Variants in TOP6BL observed in about 807,000 individuals in gnomAD.
The protein encoded by TOP6BL is TOP6B like initiator of meiotic double strand breaks.
At chr11:66,804,283 T>C in the TOP6BL span, 1 of 982,094 alleles carries the variant, frequency 1.0e-6, no homozygotes, top group Non-Finnish European at 1.4e-6. Context: ...GAATTCTGCA[T>C]CTACAAATAT....
the TOP6BL span, among the ~76,000 whole-genome samples, chr11:66,782,819 A>G: frequency 6.6e-6 from 1 of 152,162 alleles, no homozygotes; most frequent in African/African-American, 2.4e-5. Context: ...TCGTAATGTC[A>G]TCTGATTGAA....
At chr11:66,834,094 G>T in the TOP6BL span, among the ~76,000 whole-genome samples, 1 of 152,150 alleles carries the variant, frequency 6.6e-6, no homozygotes, top group Non-Finnish European at 1.5e-5. Flanking sequence ...TTGGAAAGAA[G>T]GAACACTTAC....
chr11:66,789,506 T>C, the TOP6BL span, among the ~76,000 whole-genome samples: 5 of 152,180 alleles, frequency 3.3e-5, no homozygotes, highest in African/African-American at 1.2e-4. Flanking sequence ...ACAACAGATA[T>C]CCCTGGCTGT....
the TOP6BL span, among the ~76,000 whole-genome samples, chr11:66,746,320 G>A: frequency 6.6e-6 from 1 of 152,038 alleles, no homozygotes; most frequent in African/African-American, 2.4e-5. Context: ...CGGGCGCGGT[G>A]GGTAGCCTGT....
At chr11:66,829,068 CAAAAAAAA>C in the TOP6BL span, among the ~76,000 whole-genome samples, 8 of 33,102 alleles carry the variant, frequency 2.4e-4, no homozygotes, top group South Asian at 1.0e-3. Context: ...GCCTCTGTCT[CAAAAAAAA>C]AAAAAAAAAA....
chr11:66,781,423 C>T, the TOP6BL span, among the ~76,000 whole-genome samples: 6 of 152,132 alleles, frequency 3.9e-5, no homozygotes, highest in Non-Finnish European at 8.8e-5. Flanking sequence ...GTGTTATCTG[C>T]TGACATTTCC....
chr11:66,773,658 TC>T, the TOP6BL span, among the ~76,000 whole-genome samples: 1 of 152,194 alleles, frequency 6.6e-6, no homozygotes, highest in African/African-American at 2.4e-5. Flanking sequence ...CTCTTCTGTT[TC>T]TAGTTTTATA....
chr11:66,838,531 T>A, the TOP6BL span: 1 of 1,198,968 alleles, frequency 8.3e-7, no homozygotes, highest in Non-Finnish European at 1.2e-6. Flanking sequence ...TATTCCACTG[T>A]ACCTTCTACT....
the TOP6BL span, among the ~76,000 whole-genome samples, chr11:66,799,395 A>T: frequency 6.6e-6 from 1 of 151,122 alleles, no homozygotes. Context: ...CAAAAAAAAA[A>T]AAAAGAATGT....
At chr11:66,785,590 C>G in the TOP6BL span, among the ~76,000 whole-genome samples, 2 of 151,850 alleles carry the variant, frequency 1.3e-5, no homozygotes, top group African/African-American at 4.9e-5. Context: ...TGATGTATAC[C>G]TAGGATTAAT....
the TOP6BL span, chr11:66,813,910 T>G: frequency 6.2e-7 from 1 of 1,613,962 alleles, no homozygotes; most frequent in Non-Finnish European, 8.5e-7. Context: ...ATTGTCAACT[T>G]GGGAGCAGCC....
chr11:66,828,380 CAG>C, the TOP6BL span: 7 of 1,580,698 alleles, frequency 4.4e-6, no homozygotes, highest in Non-Finnish European at 6.1e-6. Flanking sequence ...TGTAAATAAT[CAG>C]TACTTTGGTG....
chr11:66,819,300 C>A, the TOP6BL span, among the ~76,000 whole-genome samples: 4 of 152,072 alleles, frequency 2.6e-5, no homozygotes, highest in Non-Finnish European at 4.4e-5. Flanking sequence ...ATGTCAAAAG[C>A]ATTTGGTGGT....
chr11:66,762,392 G>T, the TOP6BL span: 1 of 357,578 alleles, frequency 2.8e-6, no homozygotes, highest in South Asian at 2.5e-5. Flanking sequence ...GCGCAGCAGT[G>T]GCAGCATGGC....
chr11:66,831,494 A>C, the TOP6BL span, among the ~76,000 whole-genome samples: 2 of 152,212 alleles, frequency 1.3e-5, no homozygotes, highest in African/African-American at 4.8e-5. Context: ...AAAAATCAAA[A>C]ACTAAAGGAG....
the TOP6BL span, chr11:66,815,953 T>C: frequency 8.2e-7 from 1 of 1,221,060 alleles, no homozygotes; most frequent in Non-Finnish European, 1.1e-6. Flanking sequence ...AGATCTCCTA[T>C]TCTCAGATCC....
the TOP6BL span, among the ~76,000 whole-genome samples, chr11:66,769,400 T>A: frequency 6.6e-6 from 1 of 151,858 alleles, no homozygotes; most frequent in Admixed American, 6.6e-5. Context: ...TTAAAAACTC[T>A]TATGCTTCAA....
the TOP6BL span, among the ~76,000 whole-genome samples, chr11:66,817,804 C>A: frequency 6.6e-6 from 1 of 152,092 alleles, no homozygotes; most frequent in East Asian, 1.9e-4. Context: ...ACCTCGGCCT[C>A]CCAAAGTGCT....
the TOP6BL span, chr11:66,843,473 G>T: frequency 1.7e-5 from 24 of 1,441,156 alleles, no homozygotes; most frequent in African/African-American, 3.0e-5. Context: ...CGCTGGGCGG[G>T]GATGGGCTGC....
Sources: allele counts gnomAD v4.1 joint callset (sites outside exome capture counted in the v4.1 genomes callset), GRCh38; gene constraint gnomAD v4.1.1; transcripts MANE v1.5; gene names NCBI Gene and HGNC (gene_info 2026-07-23, HGNC 2026-07-21).